The following DCAF1 variants were observed in gnomAD, a reference collection of about 807,000 sequenced individuals.
DCAF1 encodes the protein DDB1- and CUL4-associated factor 1.
A neutral mutation model predicts 128.0 loss-of-function variants in DCAF1; 15 were observed. The observed-to-expected ratio is 0.12, with a 90% CI of 0.08 to 0.18. DCAF1 has a LOEUF of 0.18. Among genes scored for constraint, DCAF1 ranks in the 10% least tolerant of loss-of-function variants. DCAF1 has a pLI of 1.00. For synonymous variants in DCAF1, 610 were observed against 603.0 expected (o/e 1.01, Z -0.17); for missense variants, 988 against 1,649.5 (o/e 0.60, Z 6.95).
intron 23 of DCAF1, among the ~76,000 whole-genome samples, chr3:51,410,964 C>T (rs1236521697): frequency 6.6e-6 from 1 of 152,026 alleles, no homozygotes; most frequent in Non-Finnish European, 1.5e-5. Context: ...TCCAGACCAG[C>T]CTGGCCAACA....
chr3:51,399,909 C>A (rs2089524738), intron 24 of DCAF1, among the ~76,000 whole-genome samples: 1 of 152,170 alleles, frequency 6.6e-6, no homozygotes, highest in Admixed American at 6.5e-5. Flanking sequence ...CCCTCATCAG[C>A]CTTTTTCCAG....
At chr3:51,475,847 C>A (rs1341255882) in intron 3 of DCAF1, among the ~76,000 whole-genome samples, 1 of 150,198 alleles carries the variant, frequency 6.7e-6, no homozygotes, top group East Asian at 2.0e-4. Flanking sequence ...GGCGACAGAG[C>A]GAGACTATGT....
rs533749562 is a variant in DCAF1 at position 51,410,975 on chromosome 3, T to C, written c.4212+1404A>G. On this transcript the variant is annotated intron_variant, in intron 23 of 24. Transcript: ENST00000684031. ...GAGTTCCAGACCAGCCTGGCCAACA[T>C]TGTGAAACCCCATCTCTACTAAAAA... is the stretch of plus-strand genomic sequence containing the variant. Among the ~76,000 whole-genome samples, 12 of 152,098 alleles carry C rather than the reference T, an allele frequency of 7.9e-5. No homozygotes were observed. The East Asian group carries it at 2.3e-3, about 29-fold the overall frequency.
In DCAF1 at chr3:51,443,857, T is replaced by C; in HGVS notation, c.422A>G (p.Gln141Arg). ...TCCAGTAGAATATGTCCTCAATGGT[T>C]GATCGGCCTCTCGGGCCCATTTGAA... ...NLFKWAREADQPLRTYSTGLL... is the reference protein window; with the variant it reads ...NLFKWAREADRPLRTYSTGLL... Residue 141 changes from glutamine to arginine, a missense_variant, in exon 7 of 25, where the codon CAA (glutamine) becomes CGA (arginine). Around this residue, in one of 11 missense-constraint regions of DCAF1, gnomAD observed 210 missense variants for 260.2 expected, o/e 0.81. Coordinates refer to ENST00000684031, the MANE Select transcript of DCAF1 (RefSeq NM_001387579.1). 1 of 1,611,322 alleles carries C rather than the reference T, an allele frequency of 6.2e-7. No individual in the cohort carries two copies. The highest frequency in any genetic ancestry group is 8.5e-7 in the Non-Finnish European group (1 of 1,179,336).
At chr3:51,467,443 G>C (rs1331025949) in intron 4 of DCAF1, among the ~76,000 whole-genome samples, 1 of 152,118 alleles carries the variant, frequency 6.6e-6, no homozygotes, top group Non-Finnish European at 1.5e-5. Context: ...GGTGGGAACT[G>C]AACAATGAGA....
At chr3:51,409,928 A>G (rs1325101665) in intron 23 of DCAF1, among the ~76,000 whole-genome samples, 1 of 152,186 alleles carries the variant, frequency 6.6e-6, no homozygotes, top group Non-Finnish European at 1.5e-5. Flanking sequence ...TCAAGAAAAC[A>G]CTAAAATCCA....
chr3:51,497,010 G>C (rs1309301915), intron 1 of DCAF1, among the ~76,000 whole-genome samples: 2 of 152,148 alleles, frequency 1.3e-5, no homozygotes, highest in African/African-American at 4.8e-5. Context: ...ATTAACAACT[G>C]TTTGCCAGGC....
Position 51,420,615 on chromosome 3 carries a change from C to T in DCAF1, c.2355G>A (p.Gln785=). 2.5e-6 allele frequency: 4 copies of T among 1,614,016 alleles called. No individual in the cohort carries two copies. In the South Asian group the frequency reaches 3.3e-5, roughly 13 times the overall value. Residue 785 remains glutamine, a synonymous_variant, in exon 15 of 25, where the codon CAG becomes CAA. Transcript: ENST00000684031. The surrounding 1 kb of genome is among the most constrained non-coding windows in gnomAD (Gnocchi z 6.5). ...CAGGCTCCTTCATCAGCTGCTGGAT[C>T]TGGCAGCTGCTGAAAAGGGGCAGTT... ...ISKLPLFSSC[Q]IQQLMKEPVL...
In DCAF1 at chr3:51,408,452, C is replaced by A. The variant is rs575209992; in HGVS notation, c.4212+3927G>T. ...CTGAGAACAGATATCTAGACTAGGACAAAACTTTGAATAGCAAATGATTCA... is the reference window on the plus strand; with the variant it reads ...CTGAGAACAGATATCTAGACTAGGAAAAAACTTTGAATAGCAAATGATTCA... On this transcript the variant is annotated intron_variant, in intron 23 of 24. Transcript: ENST00000684031. Among the ~76,000 whole-genome samples, 7 of 152,246 alleles carry A rather than the reference C, an allele frequency of 4.6e-5. No individual in the cohort carries two copies. In the East Asian group the frequency reaches 1.3e-3, roughly 29 times the overall value.
intron 2 of DCAF1, among the ~76,000 whole-genome samples, chr3:51,485,502 G>A (rs1483546047): frequency 6.6e-6 from 1 of 152,150 alleles, no homozygotes; most frequent in African/African-American, 2.4e-5. Flanking sequence ...TAAATGAGAC[G>A]CAAATGTTTG....
intron 2 of DCAF1, among the ~76,000 whole-genome samples, chr3:51,484,616 T>G (rs1265971575): frequency 6.6e-6 from 1 of 151,980 alleles, no homozygotes; most frequent in African/African-American, 2.4e-5. Flanking sequence ...AATATTTTGC[T>G]CGTTAGTCCT....
intron 11 of DCAF1, 93 bp downstream of exon 11, chr3:51,429,940 G>A: frequency 3.0e-6 from 2 of 662,538 alleles, no homozygotes; most frequent in South Asian, 3.7e-5. Flanking sequence ...CCTCTAATCA[G>A]AAGCTTCCTT....
At chr3:51,401,371 A>G (rs552646331) in intron 24 of DCAF1, among the ~76,000 whole-genome samples, 1 of 152,298 alleles carries the variant, frequency 6.6e-6, no homozygotes, top group South Asian at 2.1e-4. Context: ...AGGCAAAACC[A>G]TGGGTGCTAA....
chr3:51,410,451 T>C lies in DCAF1; in HGVS notation c.4212+1928A>G, dbSNP rs1192583377. On this transcript the variant is annotated intron_variant, in intron 23 of 24. Transcript: ENST00000684031. The stretch of plus-strand genomic sequence containing the variant: ...ACAGGTGATGCAGTATTCAAAGGAT[T>C]TGATTTACAGAACAAATGATATGCT... 3.3e-5 allele frequency among the ~76,000 whole-genome samples: 5 copies of C among 152,222 alleles called. No homozygotes were observed. In the East Asian group the frequency reaches 5.8e-4, roughly 18 times the overall value.
chr3:51,431,705 A>G (rs1317823929), intron 10 of DCAF1, among the ~76,000 whole-genome samples: 1 of 152,004 alleles, frequency 6.6e-6, no homozygotes, highest in Non-Finnish European at 1.5e-5. Context: ...TAATCTCAGC[A>G]CTTTGGGAAG....
intron 2 of DCAF1, among the ~76,000 whole-genome samples, chr3:51,490,662 C>T (rs1445721596): frequency 6.6e-6 from 1 of 152,138 alleles, no homozygotes. Context: ...TGGTGGCTCA[C>T]GCCTGTAATC....
At chr3:51,493,687 G>A (rs11130293) in intron 2 of DCAF1, among the ~76,000 whole-genome samples, 135,843 of 152,144 alleles carry the variant, frequency 0.89, 60,828 homozygotes, top group African/African-American at 0.95. Context: ...GGCACATATT[G>A]TATGATTCTA....
chr3:51,438,105 C>T, intron 9 of DCAF1: 3 of 432,750 alleles, frequency 6.9e-6, no homozygotes, highest in Non-Finnish European at 1.3e-5. Flanking sequence ...CCAAAATTTC[C>T]CTGAAAGTTT....
intron 3 of DCAF1, among the ~76,000 whole-genome samples, chr3:51,476,058 TGG>T (rs1553650446): frequency 6.6e-6 from 1 of 152,068 alleles, no homozygotes; most frequent in Admixed American, 6.6e-5. Context: ...GTGTTAATTG[TGG>T]GGTTTTTTTC....
Sources: gnomAD v4.1 joint callset for allele counts (sites outside exome capture counted in the v4.1 genomes callset) on GRCh38, gnomAD v4.1.1 for gene constraint, gnomAD v4.1.1 regional missense constraint, Gnocchi (gnomAD v3.1) non-coding constraint, MANE v1.5 for transcripts, NCBI Gene and HGNC (gene_info 2026-07-23, HGNC 2026-07-21) for gene names.